Variants in TP73 observed in about 807,000 individuals in gnomAD.
TP73 encodes the protein tumor protein p73, also known as p53-like transcription factor.
TP73 carries 25 observed loss-of-function variants against 62.5 expected under a neutral mutation model. The observed-to-expected ratio is 0.40, with a 90% confidence interval of 0.29 to 0.56. The LOEUF (loss-of-function observed/expected upper bound fraction) is 0.56, where lower values mean the gene tolerates loss of function less well. Ranked by LOEUF, TP73 falls within the 20% of genes least tolerant of loss-of-function variation. TP73 has a pLI of 0.46. For missense variants in TP73, 754 were observed against 913.3 expected (o/e 0.83, Z 2.25); for synonymous variants, 423 against 377.5 (o/e 1.12, Z -1.40).
intron 3 of TP73, among the ~76,000 whole-genome samples, chr1:3,689,773 C>G (rs1645761472): frequency 6.6e-6 from 1 of 152,154 alleles, no homozygotes; most frequent in Non-Finnish European, 1.5e-5. Flanking sequence ...ATGGATTTCT[C>G]AGCCCTCGTG....
intron 13 of TP73, 119 bp downstream of exon 13, chr1:3,731,675 C>A: frequency 2.2e-6 from 2 of 907,718 alleles, no homozygotes; most frequent in Non-Finnish European, 3.4e-6. Context: ...CCCTTTCCCA[C>A]GGGCAAGCAG....
chr1:3,729,062 G>C (rs571920110), intron 9 of TP73, among the ~76,000 whole-genome samples: 1 of 152,362 alleles, frequency 6.6e-6, no homozygotes, highest in African/African-American at 2.4e-5. Context: ...TCTGTTGGTA[G>C]GGGAGGAAGA....
intron 1 of TP73, among the ~76,000 whole-genome samples, chr1:3,674,866 C>A (rs1415317223): frequency 6.6e-6 from 1 of 152,226 alleles, no homozygotes; most frequent in Non-Finnish European, 1.5e-5. Flanking sequence ...ACAGGGCCAG[C>A]CTGCCTGGCT....
chr1:3,665,321 CA>C (rs1645086361), intron 1 of TP73, among the ~76,000 whole-genome samples: 1 of 152,030 alleles, frequency 6.6e-6, no homozygotes. Context: ...AAGGAAGCTG[CA>C]AATTAAAAAA....
chr1:3,725,004 G>A (rs1641384873), intron 6 of TP73, among the ~76,000 whole-genome samples: 1 of 151,408 alleles, frequency 6.6e-6, no homozygotes, highest in African/African-American at 2.4e-5. Context: ...GGGGGACAGA[G>A]AGAGACTCCG....
rs868494778 is a variant in TP73 at position 3,701,373 on chromosome 1, G to A, written c.187-6176G>A. Among the ~76,000 whole-genome samples, 4 of 152,160 alleles carry A rather than the reference G, an allele frequency of 2.6e-5. No homozygotes were observed. The highest frequency in any genetic ancestry group is 9.7e-5 in the African/African-American group (4 of 41,428). On this transcript the variant is annotated intron_variant, in intron 3 of 13. Coordinates refer to ENST00000378295, the MANE Select transcript of TP73 (RefSeq NM_005427.4). The surrounding 1 kb of genome is among the most constrained non-coding windows in gnomAD (Gnocchi z 4.7). ...TGCCAAGGCGTGGAGGTCATGCCTC[G>A]TGCATGGGAGCTTCCTGGACATTGG...
intron 1 of TP73, among the ~76,000 whole-genome samples, chr1:3,654,280 C>G (rs1374695408): frequency 6.6e-6 from 1 of 152,142 alleles, no homozygotes; most frequent in African/African-American, 2.4e-5. Context: ...CGGACCTGAG[C>G]GGGGCTTGTC....
chr1:3,707,921 G>A, intron 4 of TP73, 130 bp downstream of exon 4: 1 of 1,416,054 alleles, frequency 7.1e-7, no homozygotes, highest in Non-Finnish European at 9.4e-7. Context: ...CCTGGCCCGG[G>A]CCAGGAGGAG....
chr1:3,723,832 C>T (rs961178345), intron 6 of TP73, among the ~76,000 whole-genome samples: 3 of 152,332 alleles, frequency 2.0e-5, no homozygotes, highest in Non-Finnish European at 2.9e-5. Context: ...GGGAGGTCCC[C>T]GCCCATTTAG....
rs549523848 is a variant in TP73 at position 3,673,219 on chromosome 1, A to G, written c.-33-9114A>G. 2.0e-5 allele frequency among the ~76,000 whole-genome samples: 3 copies of G among 152,288 alleles called. No individual in the cohort carries two copies. In the East Asian group the frequency reaches 5.8e-4, roughly 29 times the overall value. On this transcript the variant is annotated intron_variant, in intron 1 of 13. Transcript: ENST00000378295. ...GACCACTGTAAAAGTGGGGTGAGACACGCGTGCTGACCATGAAATGGAGAG... is the reference window on the plus strand; with the variant it reads ...GACCACTGTAAAAGTGGGGTGAGACGCGCGTGCTGACCATGAAATGGAGAG...
intron 3 of TP73, among the ~76,000 whole-genome samples, chr1:3,700,602 G>C (rs1051705379): frequency 8.5e-5 from 13 of 152,146 alleles, no homozygotes; most frequent in Non-Finnish European, 4.4e-5. Context: ...TTCGAGACCA[G>C]CCTGGCCAAC....
chr1:3,675,792 C>G (rs1404385364), intron 1 of TP73, among the ~76,000 whole-genome samples: 1 of 152,120 alleles, frequency 6.6e-6, no homozygotes, highest in Non-Finnish European at 1.5e-5. Flanking sequence ...CCCTGTCTGC[C>G]CCAGGCCTGG....
At chr1:3,698,460 C>T (rs2124320516) in intron 3 of TP73, among the ~76,000 whole-genome samples, 1 of 152,346 alleles carries the variant, frequency 6.6e-6, no homozygotes, top group Admixed American at 6.5e-5. Context: ...CTCCCGCAGA[C>T]ACTCAGGGTC....
intron 1 of TP73, among the ~76,000 whole-genome samples, chr1:3,668,390 G>A (rs1645167730): frequency 6.6e-6 from 1 of 152,166 alleles, no homozygotes; most frequent in African/African-American, 2.4e-5. Flanking sequence ...TGGCACAGTG[G>A]CAGCGACACA....
intron 3 of TP73, among the ~76,000 whole-genome samples, chr1:3,689,991 G>A (rs1389404670): frequency 1.3e-5 from 2 of 152,196 alleles, no homozygotes; most frequent in Admixed American, 1.3e-4. Context: ...CTAGACGGGT[G>A]CGGGGCACCA....
chr1:3,729,475 T>C (rs757656542), intron 10 of TP73, 27 bp downstream of exon 10: 2 of 1,611,984 alleles, frequency 1.2e-6, no homozygotes, highest in Non-Finnish European at 1.7e-6. Flanking sequence ...CCACCATCAG[T>C]GTGGGGAAGG....
intron 10 of TP73, 165 bp from the exon 11 acceptor site, chr1:3,729,835 C>T (rs982715927): frequency 2.0e-5 from 21 of 1,061,240 alleles, no homozygotes; most frequent in Admixed American, 1.9e-4. Context: ...GCCCAGTGGC[C>T]GTGCATGGCC....
intron 1 of TP73, 95 bp downstream of exon 1, chr1:3,652,736 G>A (rs987938622): frequency 6.6e-6 from 1 of 152,470 alleles, no homozygotes; most frequent in Admixed American, 6.5e-5. Context: ...TCCGAAGCTG[G>A]GAGGTGAGGG....
rs540009337 is a variant in TP73 at position 3,663,172 on chromosome 1, C to T, written c.-34+10531C>T. Among the ~76,000 whole-genome samples the T allele has an allele frequency of 2.8e-3, 430 of 152,276 alleles. 2 individuals carry two copies. The highest frequency in any genetic ancestry group is 0.012 in the South Asian group (59 of 4,822). ...CCATGCCTGAGGGGAGAAGGGGCCT[C>T]TCTTCTTCACGAGGCTGGTGGCTGC... On this transcript the variant is annotated intron_variant, in intron 1 of 13. Coordinates refer to ENST00000378295, the MANE Select transcript of TP73 (RefSeq NM_005427.4). This position sits in a 1 kb window ranked among gnomAD's most constrained non-coding sequence, Gnocchi z 4.7.
Sources: allele counts gnomAD v4.1 joint callset (sites outside exome capture counted in the v4.1 genomes callset), GRCh38; gene constraint gnomAD v4.1.1; non-coding constraint Gnocchi (gnomAD v3.1); transcripts MANE v1.5; gene names NCBI Gene and HGNC (gene_info 2026-07-23, HGNC 2026-07-21).